LRBA: variants seen among roughly 807,000 people sequenced by gnomAD.
LRBA encodes the protein LPS responsive beige-like anchor protein.
Under a neutral mutation model 330.0 loss-of-function variants are expected in LRBA, and 176 were observed. The observed-to-expected ratio is 0.53, with a 90% CI of 0.47 to 0.60. The LOEUF is 0.60. LRBA is among the 20% of genes least tolerant of loss of function. The pLI, the probability that LRBA is intolerant of heterozygous loss-of-function variation, is 0.00. For synonymous variants in LRBA, 1,230 were observed against 1,193.0 expected, an observed-to-expected ratio of 1.03 and a Z score of -0.64; for missense variants, 3,259 against 3,444.8, an observed-to-expected ratio of 0.95 and a Z score of 1.35.
intron 33 of LRBA, among the ~76,000 whole-genome samples, chr4:150,805,485 A>AAGGAAAGGAC: frequency 7.7e-6 from 1 of 129,596 alleles, no homozygotes; most frequent in African/African-American, 3.2e-5. Context: ...AAGGAAAGGA[A>AAGGAAAGGAC]AGGAAAGGAG....
chr4:150,665,068 A>G (rs928904803), intron 37 of LRBA, among the ~76,000 whole-genome samples: 3 of 152,160 alleles, frequency 2.0e-5, no homozygotes, highest in African/African-American at 7.2e-5. Context: ...GCCATGGTAC[A>G]AGATCTAGAG....
chr4:150,913,243 G>A lies in LRBA; in HGVS notation c.1161+952C>T, dbSNP rs182368063. The stretch of plus-strand genomic sequence containing the variant: ...AGCACTTTGGGAAGCCGAGGCGGGC[G>A]GATCACCTGAGGTCAGGAGTTTGAG... On this transcript the variant is annotated intron_variant, in intron 9 of 56. Transcript: ENST00000651943. Among the ~76,000 whole-genome samples, 1,399 of 152,282 alleles carry A rather than the reference G, an allele frequency of 9.2e-3. 8 individuals carry two copies. Among genetic ancestry groups the A allele is most frequent in the Non-Finnish European group, 0.016 (1,057 of 68,024 alleles).
intron 36 of LRBA, among the ~76,000 whole-genome samples, chr4:150,705,312 C>T (rs1462945764): frequency 6.6e-6 from 1 of 152,028 alleles, no homozygotes; most frequent in Admixed American, 6.6e-5. Context: ...GGTAAGAAGA[C>T]ACCTAGGTAA....
chr4:150,359,963 G>C (rs985347078), intron 47 of LRBA, among the ~76,000 whole-genome samples: 10 of 144,320 alleles, frequency 6.9e-5, no homozygotes, highest in Non-Finnish European at 1.5e-4. Flanking sequence ...CTGGGTGACA[G>C]AGCAAGACTC....
intron 2 of LRBA, among the ~76,000 whole-genome samples, chr4:150,939,722 C>A (rs79160536): frequency 6.6e-6 from 1 of 152,172 alleles, no homozygotes; most frequent in Non-Finnish European, 1.5e-5. Context: ...TTCAGCTTAT[C>A]TTCACCCAGA....
In LRBA at chr4:150,973,394, C is replaced by T. The variant is rs1228916997; in HGVS notation, c.216+41033G>A. 3.3e-5 allele frequency among the ~76,000 whole-genome samples: 5 copies of T among 152,148 alleles called. No homozygotes were observed. In the South Asian group the frequency reaches 8.3e-4, roughly 25 times the overall value. On this transcript the variant is annotated intron_variant, in intron 2 of 56. Transcript: ENST00000651943. The stretch of plus-strand genomic sequence containing the variant: ...ATTGGTCAGGCTGGTCTCAAACTCC[C>T]GACCTCAGGTGATCTGCCCGCCTCA...
chr4:150,652,098 A>C (rs1312509088), intron 37 of LRBA, among the ~76,000 whole-genome samples: 2 of 152,178 alleles, frequency 1.3e-5, no homozygotes, highest in Non-Finnish European at 2.9e-5. Context: ...GGCCTCCCAA[A>C]GTGCTGAGAT....
Position 150,764,323 on chromosome 4 carries a change from C to A in LRBA, c.5581-2476G>T, listed in dbSNP as rs186348507. The stretch of plus-strand genomic sequence containing the variant: ...GGAAGTCCTGGCTAATGCAGTAAGA[C>A]AAGAAAAGGATAAAAATTGAAAAAG... On this transcript the variant is annotated intron_variant, in intron 34 of 56. Coordinates refer to ENST00000651943, the MANE Select transcript of LRBA (RefSeq NM_001364905.1). Among the ~76,000 whole-genome samples, 264 of 151,748 alleles carry A rather than the reference C, an allele frequency of 1.7e-3. 1 individual carries two copies. Among genetic ancestry groups the A allele is most frequent in the African/African-American group, 3.7e-3 (153 of 41,422 alleles).
intron 52 of LRBA, among the ~76,000 whole-genome samples, chr4:150,305,154 T>C (rs1490818950): frequency 6.6e-6 from 1 of 152,168 alleles, no homozygotes; most frequent in African/African-American, 2.4e-5. Context: ...CAGGTGTTCT[T>C]AGTGCAGTAG....
chr4:150,929,227 A>C (rs547950312), intron 2 of LRBA, among the ~76,000 whole-genome samples, 162 bp from the exon 3 acceptor site: 5 of 152,250 alleles, frequency 3.3e-5, no homozygotes, highest in Non-Finnish European at 5.9e-5. Context: ...TTTCTGAAGT[A>C]ATCTCCAAAT....
chr4:150,827,461 T>C (rs909205055), intron 30 of LRBA, among the ~76,000 whole-genome samples: 2 of 152,256 alleles, frequency 1.3e-5, no homozygotes, highest in African/African-American at 2.4e-5. Context: ...CAACTGCCCC[T>C]GAGATACTAA....
intron 42 of LRBA, among the ~76,000 whole-genome samples, chr4:150,482,801 T>G (rs1757434969): frequency 6.6e-6 from 1 of 152,102 alleles, no homozygotes; most frequent in Non-Finnish European, 1.5e-5. Context: ...TCTTTTCATG[T>G]GTTTATTCGG....
chr4:150,473,944 T>C (rs1275098251), intron 42 of LRBA, among the ~76,000 whole-genome samples: 1 of 152,192 alleles, frequency 6.6e-6, no homozygotes, highest in Non-Finnish European at 1.5e-5. Flanking sequence ...ATTTACTTAG[T>C]GGTCAATTTT....
chr4:150,321,274 G>T lies in LRBA; in HGVS notation c.7547C>A (p.Thr2516Asn). 6.2e-7 allele frequency: 1 copy of T among 1,612,720 alleles called. No individual in the cohort carries two copies. The highest frequency in any genetic ancestry group is 1.1e-5 in the South Asian group (1 of 90,800). ...NSPVTHVAAN[T>N]QPGLATPAVI... ...AGCGGGAGTTGCCAAACCAGGCTGG[G>T]TGTTGGCTGCCACGTGAGTAACAGG... Residue 2516 changes from threonine to asparagine, a missense_variant, in exon 50 of 57, where the codon ACC (threonine) becomes AAC (asparagine). Transcript: ENST00000651943. The surrounding 1 kb of genome is among the most constrained non-coding windows in gnomAD (Gnocchi z 4.5).
In LRBA at chr4:150,685,905, G is replaced by A. The variant is rs2126929269; in HGVS notation, c.5755-2188C>T. Among the ~76,000 whole-genome samples, 2 of 152,104 alleles carry A rather than the reference G, an allele frequency of 1.3e-5. 1 individual carries two copies. The highest frequency in any genetic ancestry group is 2.9e-5 in the Non-Finnish European group (2 of 68,024). On this transcript the variant is annotated intron_variant, in intron 36 of 56. Transcript: ENST00000651943. ...TTTCAGGGAGGGACAAAGCAAGAGA[G>A]TTTGACCCAAGTACAAAATACAGGT...
At chr4:150,627,745 A>T (rs1206540115) in intron 37 of LRBA, among the ~76,000 whole-genome samples, 4 of 152,058 alleles carry the variant, frequency 2.6e-5, no homozygotes, top group Admixed American at 2.6e-4. Flanking sequence ...TTTCCAAATC[A>T]TAAGACTACT....
intron 37 of LRBA, among the ~76,000 whole-genome samples, chr4:150,604,261 A>G (rs559086906): frequency 7.9e-5 from 12 of 152,060 alleles, no homozygotes; most frequent in African/African-American, 2.9e-4. Context: ...AAAATTAGAC[A>G]GGTGAGGTGG....
chr4:150,937,567 A>G (rs1003288051), intron 2 of LRBA, among the ~76,000 whole-genome samples: 11 of 152,118 alleles, frequency 7.2e-5, no homozygotes, highest in African/African-American at 1.2e-4. Context: ...CTTTTTCTAC[A>G]TTTTAGCATG....
chr4:150,574,318 A>G (rs1770259391), intron 40 of LRBA, among the ~76,000 whole-genome samples: 1 of 152,042 alleles, frequency 6.6e-6, no homozygotes, highest in Non-Finnish European at 1.5e-5. Context: ...ACTTTCATAT[A>G]CCTACGTTAG....
Sources: gnomAD v4.1 joint callset for allele counts (sites outside exome capture counted in the v4.1 genomes callset) on GRCh38, gnomAD v4.1.1 for gene constraint, Gnocchi (gnomAD v3.1) non-coding constraint, MANE v1.5 for transcripts, NCBI Gene and HGNC (gene_info 2026-07-23, HGNC 2026-07-21) for gene names.